ESCO2: variants seen among roughly 807,000 people sequenced by gnomAD.
ESCO2 encodes the protein establishment of sister chromatid cohesion N-acetyltransferase 2.
A neutral mutation model predicts 61.7 loss-of-function variants in ESCO2; 51 were observed. The observed-to-expected ratio is 0.83, with a 90% CI of 0.66 to 1.04. The LOEUF (loss-of-function observed/expected upper bound fraction) is 1.04, where lower values mean the gene tolerates loss of function less well. Among genes scored for constraint, ESCO2 ranks in the 50% least tolerant of loss-of-function variants. The probability of loss-of-function intolerance (pLI) is 0.00; values close to 1 mark genes in which losing one functional copy is unlikely to be tolerated. For missense variants in ESCO2, 692 were observed against 686.2 expected, an observed-to-expected ratio of 1.01 and a Z score of -0.09; for synonymous variants, 230 against 238.2, an observed-to-expected ratio of 0.97 and a Z score of 0.32.
chr8:27,810,528 T>TAAAC, downstream of ESCO2: 1 of 1,408,520 alleles, frequency 7.1e-7, no homozygotes, highest in Non-Finnish European at 9.9e-7. Context: ...ATTGAAACAA[T>TAAAC]AAACAAAATC....
intron 7 of ESCO2, among the ~76,000 whole-genome samples, chr8:27,791,188 A>G (rs1805167323): frequency 6.6e-6 from 1 of 152,250 alleles, no homozygotes; most frequent in South Asian, 2.1e-4. Flanking sequence ...ATACTTAGAA[A>G]CTTAGTATAC....
At chr8:27,799,284 T>G (rs1338372340) in intron 9 of ESCO2, among the ~76,000 whole-genome samples, 1 of 151,962 alleles carries the variant, frequency 6.6e-6, no homozygotes, top group South Asian at 2.1e-4. Context: ...AAAGGAAGAG[T>G]CTAATGTTTA....
At chr8:27,817,596 A>C (rs543023574), downstream of ESCO2, among the ~76,000 whole-genome samples, 1 of 151,902 alleles carries the variant, frequency 6.6e-6, no homozygotes, top group East Asian at 1.9e-4. Flanking sequence ...ACTTTTGCGC[A>C]ATGAAGTTTT....
chr8:27,809,072 C>G (rs1805619061), downstream of ESCO2, among the ~76,000 whole-genome samples: 1 of 152,154 alleles, frequency 6.6e-6, no homozygotes, highest in African/African-American at 2.4e-5. Flanking sequence ...TGCTTTAAGT[C>G]TTAAAGCAGG....
intron 7 of ESCO2, among the ~76,000 whole-genome samples, chr8:27,790,105 A>G (rs899738530): frequency 3.9e-5 from 6 of 152,146 alleles, no homozygotes; most frequent in Admixed American, 1.3e-4. Context: ...AGATCTCTTC[A>G]TATTTGGCCC....
chr8:27,810,345 G>C (rs1362395242), downstream of ESCO2: 1 of 1,613,202 alleles, frequency 6.2e-7, no homozygotes, highest in Admixed American at 1.7e-5. Context: ...GTGTGCAGCA[G>C]AAGGACGATC....
intron 9 of ESCO2, among the ~76,000 whole-genome samples, chr8:27,796,495 G>A (rs929606894): frequency 5.9e-5 from 9 of 152,042 alleles, no homozygotes; most frequent in Admixed American, 2.0e-4. Flanking sequence ...GAGGTGTAAC[G>A]TTAGGCTACT....
rs1234602774 is a variant in ESCO2 at position 27,776,613 on chromosome 8, T to C, written c.305T>C (p.Ile102Thr). The change falls in exon 3 of 11, where the codon ATA (isoleucine) becomes ACA (threonine). Residue 102 changes from isoleucine (I) to threonine (T), a missense_variant. Transcript: ENST00000305188. ...CTCAATCCACTGGAGAGAAAGCTGA[T>C]AAAAGAGAGTAGATCTACTTGTCTA... Reference protein sequence around the residue: ...WYLNPLERKLIKESRSTCLKT... With the variant: ...WYLNPLERKLTKESRSTCLKT... The C allele has an allele frequency of 6.2e-7, 1 of 1,614,042 alleles. No individual in the cohort carries two copies. The highest frequency in any genetic ancestry group is 8.5e-7 in the Non-Finnish European group (1 of 1,179,992).
rs1459728740 is a variant in ESCO2, at chr8:27,803,942, T to C, written c.*504T>C. 1.0e-6 allele frequency: 1 copy of C among 989,362 alleles called. No homozygotes were observed. Among genetic ancestry groups the C allele is most frequent in the Non-Finnish European group, 1.2e-6 (1 of 834,554 alleles). The allele number at this position is 989,362 out of a possible 1,614,324, so 61.3% of individuals were successfully genotyped here. Reference sequence around the variant, plus strand: ...TTTAATAGAGGCATGGGTCTCACTGTGTTGCCCAGGCTGGTCTGAAACTTT... The same window carrying C: ...TTTAATAGAGGCATGGGTCTCACTGCGTTGCCCAGGCTGGTCTGAAACTTT... On this transcript the variant is annotated 3_prime_UTR_variant, in exon 11 of 11. Coordinates refer to ENST00000305188, the MANE Select transcript of ESCO2 (RefSeq NM_001017420.3).
rs1275569233 is a variant in ESCO2 at position 27,803,686 on chromosome 8, G to C, written c.*248G>C. On this transcript the variant is annotated 3_prime_UTR_variant, in exon 11 of 11. Transcript: ENST00000305188. ...TGGGTGATTCCCTGATTAGCACTCTGAATGTTTAATTATGAAACTTTGTAG... is the reference window on the plus strand; with the variant it reads ...TGGGTGATTCCCTGATTAGCACTCTCAATGTTTAATTATGAAACTTTGTAG... 7.9e-7 allele frequency: 1 copy of C among 1,269,412 alleles called. No homozygotes were observed. The highest frequency in any genetic ancestry group is 9.9e-7 in the Non-Finnish European group (1 of 1,007,498). 78.6% of individuals were successfully genotyped at this position (1,269,412 alleles called of 1,614,324 possible). A position where few individuals can be genotyped will look rare whatever the true frequency, so the allele number is the denominator to read the frequency against.
At chr8:27,807,986 G>A (rs1234205904), downstream of ESCO2, among the ~76,000 whole-genome samples, 1 of 152,152 alleles carries the variant, frequency 6.6e-6, no homozygotes, top group Non-Finnish European at 1.5e-5. Context: ...TCTTGATCTT[G>A]GACTTCCTAG....
At chr8:27,779,036 T>A (rs1242641984) in intron 3 of ESCO2, 1 of 152,494 alleles carries the variant, frequency 6.6e-6, no homozygotes, top group Non-Finnish European at 1.5e-5. Context: ...TGCCTCAGCC[T>A]CCCAAGTAGC....
chr8:27,793,781 G>A (rs545776114), intron 9 of ESCO2, among the ~76,000 whole-genome samples: 2 of 152,134 alleles, frequency 1.3e-5, no homozygotes, highest in East Asian at 1.9e-4. Context: ...CACCGCACCC[G>A]GCCTTTAGCA....
chr8:27,815,273 G>A (rs997459090), downstream of ESCO2, among the ~76,000 whole-genome samples: 1 of 152,196 alleles, frequency 6.6e-6, no homozygotes, highest in Non-Finnish European at 1.5e-5. Context: ...CATTTATTCC[G>A]TTAACATTTT....
chr8:27,798,476 C>A (rs1032235450), intron 9 of ESCO2, among the ~76,000 whole-genome samples: 6 of 146,568 alleles, frequency 4.1e-5, no homozygotes, highest in African/African-American at 1.5e-4. Flanking sequence ...AAAAAAAAAA[C>A]TAAACATGTA....
At position 27,803,783 on chromosome 8, in the gene ESCO2, C is replaced by T. The variant is rs1443133265; in HGVS notation, c.*345C>T. On this transcript the variant is annotated 3_prime_UTR_variant, in exon 11 of 11. Coordinates refer to ENST00000305188, the MANE Select transcript of ESCO2 (RefSeq NM_001017420.3). ...AAGTGATTTTTCTCTAGAAATGTGA[C>T]CTGGTCTTTTATAAAGCCCACTCTT... is the stretch of plus-strand genomic sequence containing the variant. 2 of 1,038,450 alleles carry T rather than the reference C, an allele frequency of 1.9e-6. No individual in the cohort carries two copies. The highest frequency in any genetic ancestry group is 1.8e-4 in the East Asian group (2 of 11,006). 64.3% of individuals were successfully genotyped at this position (1,038,450 alleles called of 1,614,324 possible). A position where few individuals can be genotyped will look rare whatever the true frequency, so the allele number is the denominator to read the frequency against.
downstream of ESCO2, chr8:27,811,483 A>C: frequency 2.5e-6 from 1 of 400,076 alleles, no homozygotes; most frequent in South Asian, 2.7e-5. Context: ...TGAGCAGATC[A>C]CTTCTAGACC....
chr8:27,775,625 G>A (rs1188748534), intron 2 of ESCO2, 58 bp downstream of exon 2: 28 of 1,578,396 alleles, frequency 1.8e-5, no homozygotes, highest in Non-Finnish European at 2.4e-5. Flanking sequence ...TGTCTCTCTT[G>A]TTCTCTCCTA....
chr8:27,787,921 C>G lies in ESCO2; in HGVS notation c.1050C>G (p.Val350=). Residue 350 remains valine (V), a synonymous_variant, in exon 6 of 11, where the codon GTC becomes GTG. Coordinates refer to ENST00000305188, the MANE Select transcript of ESCO2 (RefSeq NM_001017420.3). ...AAGAACAGTTTTCTGTGGGATCTGT[C>G]AACTTCATGAAACAGACCAATATCC... ...LGEEQFSVGS[V]NFMKQTNIQK... is the part of the protein sequence containing the mutation. 6.2e-7 allele frequency: 1 copy of G among 1,613,626 alleles called. No individual in the cohort carries two copies. The highest frequency in any genetic ancestry group is 8.5e-7 in the Non-Finnish European group (1 of 1,179,768).
Sources: allele counts gnomAD v4.1 joint callset (sites outside exome capture counted in the v4.1 genomes callset), GRCh38; gene constraint gnomAD v4.1.1; transcripts MANE v1.5; gene names NCBI Gene and HGNC (gene_info 2026-07-23, HGNC 2026-07-21).